Variants in PTCH1 observed in about 807,000 individuals in gnomAD.
The protein encoded by PTCH1 is protein patched homolog 1.
Under a neutral mutation model 144.6 loss-of-function variants are expected in PTCH1, and 14 were observed. The ratio of observed to expected loss-of-function variants is 0.10; its 90% CI spans 0.06 to 0.15. The LOEUF (loss-of-function observed/expected upper bound fraction) is 0.15. PTCH1 is among the 10% of genes least tolerant of loss of function. The pLI is 1.00. For missense variants in PTCH1, 1,623 were observed against 1,948.3 expected, an observed-to-expected ratio of 0.83 and a Z score of 3.14; for synonymous variants, 833 against 793.6, an observed-to-expected ratio of 1.05 and a Z score of -0.83.
chr9:95,506,375 G>C (rs1470188671), intron 2 of PTCH1, 32 bp downstream of exon 2: 4 of 1,603,568 alleles, frequency 2.5e-6, no homozygotes, highest in Non-Finnish European at 3.4e-6. Flanking sequence ...GGACCGGGCC[G>C]GGGGCGCGGG....
At position 95,477,442 on chromosome 9, in the gene PTCH1, C is replaced by A. The variant is rs1841139029; in HGVS notation, c.1503+105G>T. 2.7e-6 allele frequency: 4 copies of A among 1,496,898 alleles called. No individual in the cohort carries two copies. The East Asian group carries it at 6.8e-5, about 25-fold the overall frequency. 92.7% of individuals were successfully genotyped at this position (1,496,898 alleles called of 1,614,324 possible). On this transcript the variant is annotated intron_variant, in intron 10 of 23. Transcript: ENST00000331920. Reference sequence around the variant, plus strand: ...ATCCTAGTGGAAAAGGCTGCAAGACCCTTCCGGTGAGAAGGACACACAGCA... The same window carrying A: ...ATCCTAGTGGAAAAGGCTGCAAGACACTTCCGGTGAGAAGGACACACAGCA...
Position 95,508,259 on chromosome 9 carries a change from G to A in PTCH1, c.103C>T (p.Arg35Trp), listed in dbSNP as rs1385550193. 2 of 1,591,698 alleles carry A rather than the reference G, an allele frequency of 1.3e-6. No homozygotes were observed. The highest frequency in any genetic ancestry group is 1.7e-5 in the Admixed American group (1 of 58,500). ...GCAGCACGGCGCAGCCCCCCCGTCC[G>A]TCTGCGCCTCCCGCCTCCAGCCGGC... is the stretch of plus-strand genomic sequence containing the variant. ...GRPAGGGRRR[R>W]TGGLRRAAAP... The change falls in exon 1 of 24, where the codon CGG becomes TGG. Residue 35 changes from arginine to tryptophan, a missense_variant. Coordinates refer to ENST00000331920, the MANE Select transcript of PTCH1 (RefSeq NM_000264.5).
rs1837661228 is a variant in PTCH1 at position 95,443,836 on chromosome 9, T to A, written c.*2557A>T. 6.6e-6 allele frequency: 1 copy of A among 152,634 alleles called. No individual in the cohort carries two copies. Among genetic ancestry groups the A allele is most frequent in the Non-Finnish European group, 1.5e-5 (1 of 68,036 alleles). The allele number at this position is 152,634 out of a possible 1,614,324, so 9.5% of individuals were successfully genotyped here. A position where few individuals can be genotyped will look rare whatever the true frequency, so the allele number is the denominator to read the frequency against. On this transcript the variant is annotated 3_prime_UTR_variant, in exon 24 of 24. Transcript: ENST00000331920. ...GACACAAACTCATTTCCACCAAAAT[T>A]GGCAATGAGACCCAGTTTGAATATT...
In PTCH1 at chr9:95,447,305, T is replaced by G. The variant is rs1211632031; in HGVS notation, c.3951A>C (p.Arg1317Ser). 2.5e-6 allele frequency: 4 copies of G among 1,612,832 alleles called. No homozygotes were observed. The highest frequency in any genetic ancestry group is 3.4e-6 in the Non-Finnish European group (4 of 1,179,834). ...AAATTTCAAAAGCGTCTCTGCGCGGTCTGTAGGGGGGTGGCCACAAGCCTT... is the reference window on the plus strand; with the variant it reads ...AAATTTCAAAAGCGTCTCTGCGCGGGCTGTAGGGGGGTGGCCACAAGCCTT... Reference protein sequence around the residue: ...PREGLWPPPYRPRRDAFEIST... With the variant: ...PREGLWPPPYSPRRDAFEIST... Residue 1317 changes from arginine (R) to serine (S), a missense_variant, in exon 23 of 24, where the codon AGA becomes AGC. Arg to Ser is a moderately radical substitution (Grantham distance 110). Around this residue, in one of 7 missense-constraint regions of PTCH1, gnomAD observed 291 missense variants for 287.4 expected, o/e 1.01. Coordinates refer to ENST00000331920, the MANE Select transcript of PTCH1 (RefSeq NM_000264.5).
intron 1 of PTCH1, 94 bp downstream of exon 1, chr9:95,508,067 G>A (rs754997114): frequency 6.3e-6 from 10 of 1,577,016 alleles, no homozygotes; most frequent in Non-Finnish European, 7.7e-6. Flanking sequence ...GTGAGAGAGA[G>A]AGGAAGAGAG....
intron 2 of PTCH1, among the ~76,000 whole-genome samples, chr9:95,504,407 G>A (rs562249114): frequency 1.7e-4 from 26 of 152,200 alleles, no homozygotes; most frequent in Non-Finnish European, 2.9e-4. Flanking sequence ...GCAATGTTAA[G>A]AAAATAAATC....
At chr9:95,514,621 G>GGTGTGTGTGTGTGTGT (rs3222829) in intron 1 of PTCH1, 2 of 148,564 alleles carry the variant, frequency 1.3e-5, no homozygotes, top group African/African-American at 5.0e-5. Flanking sequence ...GAAAATAAAA[G>GGTGTGTGTGTGTGTGT]GTGTGTGTGT....
intron 2 of PTCH1, among the ~76,000 whole-genome samples, chr9:95,499,872 G>A (rs1027261211): frequency 6.6e-6 from 1 of 151,880 alleles, no homozygotes; most frequent in Non-Finnish European, 1.5e-5. Flanking sequence ...GGCAGAAGGC[G>A]GCCACCAAAG....
chr9:95,482,873 A>G (rs534065486), intron 3 of PTCH1: 1 of 153,672 alleles, frequency 6.5e-6, no homozygotes, highest in Admixed American at 6.4e-5. Context: ...GGAGTTTGAA[A>G]TCAGCCTGGG....
Position 95,469,855 on chromosome 9 carries a change from C to T in PTCH1, c.1805G>A (p.Arg602Gln), listed in dbSNP as rs1382474804. 1 of 1,614,032 alleles carries T rather than the reference C, an allele frequency of 6.2e-7. No homozygotes were observed. Among genetic ancestry groups the T allele is most frequent in the Non-Finnish European group, 8.5e-7 (1 of 1,179,998 alleles). The change falls in exon 13 of 24, where the codon CGA becomes CAA. Residue 602 changes from arginine to glutamine, a missense_variant. Around this residue, in one of 7 missense-constraint regions of PTCH1, gnomAD observed 135 missense variants for 228.7 expected, o/e 0.59. Transcript: ENST00000331920. ...FPAILSMDLY[R>Q]REDRRLDIFC... ...AATATCCAGTCTCCTGTCCTCGCGT[C>T]GATATAAATCCATGCTGAGAATTGC...
In PTCH1 at chr9:95,449,848, T is replaced by C; in HGVS notation, c.3542A>G (p.Tyr1181Cys). 6.2e-7 allele frequency: 1 copy of C among 1,612,944 alleles called. No homozygotes were observed. The highest frequency in any genetic ancestry group is 8.5e-7 in the Non-Finnish European group (1 of 1,178,986). Residue 1181 changes from tyrosine to cysteine, a missense_variant, in exon 21 of 24, where the codon TAT becomes TGT. Around this residue, in one of 7 missense-constraint regions of PTCH1, gnomAD observed 504 missense variants for 679.3 expected, o/e 0.74. Coordinates refer to ENST00000331920, the MANE Select transcript of PTCH1 (RefSeq NM_000264.5). The surrounding 1 kb of genome is among the most constrained non-coding windows in gnomAD (Gnocchi z 5.3). ...CCCCGTGTCACTACTGACCTCAGGATATGGTCCAAAGAAAGACAAAAGCAC... is the reference window on the plus strand; with the variant it reads ...CCCCGTGTCACTACTGACCTCAGGACATGGTCCAAAGAAAGACAAAAGCAC... ...LPVLLSFFGP[Y>C]PEVSPANGLN...
At chr9:95,510,888 C>T (rs1349819621), upstream of PTCH1, among the ~76,000 whole-genome samples, 1 of 150,752 alleles carries the variant, frequency 6.6e-6, no homozygotes, top group African/African-American at 2.4e-5. Context: ...CCCGCGCCCG[C>T]GCGGCCGGGG....
At chr9:95,470,824 C>A (rs1840500178) in intron 12 of PTCH1, among the ~76,000 whole-genome samples, 1 of 152,146 alleles carries the variant, frequency 6.6e-6, no homozygotes, top group South Asian at 2.1e-4. Flanking sequence ...CCTATAATCC[C>A]AGCACTTTGC....
rs145217620 is a variant in PTCH1, at chr9:95,467,148, A to G, written c.2528T>C (p.Met843Thr). 1.7e-5 allele frequency: 27 copies of G among 1,614,130 alleles called. No homozygotes were observed. In the African/African-American group the frequency reaches 3.6e-4, roughly 22 times the overall value. ...MLEENKQLPKMWLHYFRDWLQ... is the reference protein window; with the variant it reads ...MLEENKQLPKTWLHYFRDWLQ... ...CCAGTCTCTGAAGTAGTGCAGCCACATTTTGGGAAGCTGTTTGTTTTCTTC... is the reference window on the plus strand; with the variant it reads ...CCAGTCTCTGAAGTAGTGCAGCCACGTTTTGGGAAGCTGTTTGTTTTCTTC... The change falls in exon 15 of 24, where the codon ATG becomes ACG. Residue 843 changes from methionine to threonine, a missense_variant. This residue lies in a region of PTCH1 where 504 missense variants were observed against 679.3 expected (regional missense o/e 0.74). Transcript: ENST00000331920.
intron 20 of PTCH1, chr9:95,450,165 G>A (rs1393180577): frequency 3.5e-6 from 2 of 571,498 alleles, no homozygotes; most frequent in Non-Finnish European, 3.2e-6. Flanking sequence ...CAAAGTGTTA[G>A]TTCATGAAGG....
chr9:95,513,891 TG>T (rs889426558), upstream of PTCH1, among the ~76,000 whole-genome samples: 1 of 152,134 alleles, frequency 6.6e-6, no homozygotes, highest in Non-Finnish European at 1.5e-5. Flanking sequence ...TAATTACCCC[TG>T]ATCTCCTTTA....
At chr9:95,462,588 C>T (rs1340875136) in intron 15 of PTCH1, among the ~76,000 whole-genome samples, 1 of 152,242 alleles carries the variant, frequency 6.6e-6, no homozygotes, top group Non-Finnish European at 1.5e-5. Flanking sequence ...TATTCACTCT[C>T]GACTGCTCTC....
At chr9:95,494,511 CG>C (rs1278397834) in intron 2 of PTCH1, 1 of 928,212 alleles carries the variant, frequency 1.1e-6, no homozygotes, top group African/African-American at 1.8e-5. Context: ...GTCTTCCATC[CG>C]GAACAGCGTA....
At position 95,508,817 on chromosome 9, in the gene PTCH1, C is replaced by T; in HGVS notation, c.-456G>A. ...AGCGAATCCCCGCTGCTCCCGCCGG[C>T]CGCGCTGGCTCTCTCGGCGCCTCCC... On this transcript the variant is annotated 5_prime_UTR_variant, in exon 1 of 24. Transcript: ENST00000331920. The T allele has an allele frequency of 1.0e-6, 1 of 984,394 alleles. No individual in the cohort carries two copies. Among genetic ancestry groups the T allele is most frequent in the Non-Finnish European group, 1.2e-6 (1 of 829,586 alleles). 61.0% of individuals were successfully genotyped at this position (984,394 alleles called of 1,614,324 possible). A position where few individuals can be genotyped will look rare whatever the true frequency, so the allele number is the denominator to read the frequency against.
Sources: gnomAD v4.1 joint callset for allele counts (sites outside exome capture counted in the v4.1 genomes callset) on GRCh38, gnomAD v4.1.1 for gene constraint, gnomAD v4.1.1 regional missense constraint, Gnocchi (gnomAD v3.1) non-coding constraint, MANE v1.5 for transcripts, NCBI Gene and HGNC (gene_info 2026-07-23, HGNC 2026-07-21) for gene names.